Variants in PXDNL observed in about 807,000 individuals in gnomAD.
PXDNL encodes probable oxidoreductase PXDNL.
PXDNL carries 145 observed loss-of-function variants against 150.8 expected under a neutral mutation model. The observed-to-expected ratio is 0.96, with a 90% confidence interval of 0.84 to 1.10. PXDNL has a LOEUF of 1.10. PXDNL is among the 50% of genes least tolerant of loss of function. PXDNL has a pLI of 0.00. For missense variants in PXDNL, 2,087 were observed against 1,873.9 expected (o/e 1.11, Z -2.10); for synonymous variants, 757 against 725.7 (o/e 1.04, Z -0.69).
At chr8:51,428,747 T>G (rs914587179) in intron 12 of PXDNL, among the ~76,000 whole-genome samples, 29 of 152,290 alleles carry the variant, frequency 1.9e-4, no homozygotes, top group African/African-American at 7.0e-4. Flanking sequence ...TGTAAAACTA[T>G]TATTCAAAAA....
intron 2 of PXDNL, among the ~76,000 whole-genome samples, chr8:51,635,327 A>G (rs1814584690): frequency 6.6e-6 from 1 of 152,088 alleles, no homozygotes; most frequent in Admixed American, 6.6e-5. Flanking sequence ...GGAGTTAGAA[A>G]CAGAAAAGCA....
At position 51,339,713 on chromosome 8, in the gene PXDNL, C is replaced by T; in HGVS notation, c.4057G>A (p.Val1353Met). 6.2e-7 allele frequency: 1 copy of T among 1,613,484 alleles called. No homozygotes were observed. The highest frequency in any genetic ancestry group is 2.2e-5 in the East Asian group (1 of 44,854). ...KIYVGEDARNVTVLAKTKFSQ... is the reference protein window; with the variant it reads ...KIYVGEDARNMTVLAKTKFSQ... ...AACTTTGTTTTTGCCAGAACTGTCA[C>T]ATTTCTAGCATCTTCACCCACATAT... Residue 1353 changes from valine (V) to methionine (M), a missense_variant, in exon 21 of 23, where the codon GTG (valine) becomes ATG (methionine). Physicochemically the swap from Val to Met is conservative, Grantham distance 21. Coordinates refer to ENST00000356297, the MANE Select transcript of PXDNL (RefSeq NM_144651.5).
At chr8:51,546,128 A>G (rs1230921288) in intron 4 of PXDNL, among the ~76,000 whole-genome samples, 1 of 152,312 alleles carries the variant, frequency 6.6e-6, no homozygotes, top group South Asian at 2.1e-4. Context: ...CAGACCCTTT[A>G]TAGCAGCTGC....
At chr8:51,570,273 G>A (rs1438243894) in intron 3 of PXDNL, among the ~76,000 whole-genome samples, 1 of 151,910 alleles carries the variant, frequency 6.6e-6, no homozygotes, top group African/African-American at 2.4e-5. Context: ...ACTAGGTAAA[G>A]CTAAGGATGA....
chr8:51,703,451 G>A (rs1816298192), intron 1 of PXDNL, among the ~76,000 whole-genome samples: 1 of 152,148 alleles, frequency 6.6e-6, no homozygotes, highest in African/African-American at 2.4e-5. Context: ...ATATAAACCA[G>A]TACAATCGTA....
At chr8:51,745,675 T>G (rs566142644) in intron 1 of PXDNL, among the ~76,000 whole-genome samples, 309 of 152,008 alleles carry the variant, frequency 2.0e-3, no homozygotes, top group Non-Finnish European at 3.8e-3. Context: ...CTCCTTCAGG[T>G]GCAGAGGCAC....
chr8:51,376,173 G>C (rs549235015), intron 17 of PXDNL, among the ~76,000 whole-genome samples: 127 of 152,152 alleles, frequency 8.3e-4, no homozygotes, highest in Non-Finnish European at 1.7e-3. Context: ...AAAAGACAAT[G>C]CCAAACTGCT....
At chr8:51,534,966 T>TG (rs1323738878) in intron 4 of PXDNL, among the ~76,000 whole-genome samples, 4 of 89,000 alleles carry the variant, frequency 4.5e-5, no homozygotes, top group Non-Finnish European at 8.0e-5. Flanking sequence ...GGGAGGGAGG[T>TG]GGGGGGGTCA....
intron 1 of PXDNL, among the ~76,000 whole-genome samples, chr8:51,788,103 G>A (rs2037477114): frequency 6.6e-6 from 1 of 152,208 alleles, no homozygotes; most frequent in Admixed American, 6.5e-5. Flanking sequence ...CTACAATATA[G>A]TGTAAACATA....
At position 51,408,156 on chromosome 8, in the gene PXDNL, G is replaced by T. The variant is rs144719769; in HGVS notation, c.3468C>A (p.Phe1156Leu). The change falls in exon 17 of 23, where the codon TTC becomes TTA. Residue 1156 changes from phenylalanine to leucine, a missense_variant. By Grantham distance (22) the Phe-to-Leu change is conservative. Transcript: ENST00000356297. ...CTGAAGTCAAATTACAGAAAACTCT[G>T]AAGTCAACATATGGTGGGATCCCGT... ...RDHGIPPYVDFRVFCNLTSVK... is the reference protein window; with the variant it reads ...RDHGIPPYVDLRVFCNLTSVK... 27 of 1,613,802 alleles carry T rather than the reference G, an allele frequency of 1.7e-5. No homozygotes were observed. Among genetic ancestry groups the T allele is most frequent in the Middle Eastern group, 1.6e-4 (1 of 6,084 alleles).
At chr8:51,465,806 A>G (rs1428586716) in intron 8 of PXDNL, among the ~76,000 whole-genome samples, 1 of 152,172 alleles carries the variant, frequency 6.6e-6, no homozygotes. Context: ...CAATAGCCAC[A>G]AAAAGAAAAA....
In PXDNL at chr8:51,518,228, A is replaced by G. The variant is rs1244209185; in HGVS notation, c.381-18458T>C. ...TCTGTAAACCCACAGACGGATTCCAATGCTGAATTTCCAACTGGCCTATAA... is the reference window on the plus strand; with the variant it reads ...TCTGTAAACCCACAGACGGATTCCAGTGCTGAATTTCCAACTGGCCTATAA... On this transcript the variant is annotated intron_variant, in intron 4 of 22. Coordinates refer to ENST00000356297, the MANE Select transcript of PXDNL (RefSeq NM_144651.5). Among the ~76,000 whole-genome samples, 6 of 152,170 alleles carry G rather than the reference A, an allele frequency of 3.9e-5. No homozygotes were observed. In the South Asian group the frequency reaches 6.2e-4, roughly 16 times the overall value.
chr8:51,492,495 C>A (rs1259441745), intron 5 of PXDNL, among the ~76,000 whole-genome samples: 1 of 152,114 alleles, frequency 6.6e-6, no homozygotes, highest in Non-Finnish European at 1.5e-5. Flanking sequence ...ATCACCTCAC[C>A]CAGAAAGCTC....
chr8:51,695,913 G>GT (rs1219881408), intron 1 of PXDNL, among the ~76,000 whole-genome samples: 2 of 152,160 alleles, frequency 1.3e-5, no homozygotes. Flanking sequence ...TGGACAACCA[G>GT]CTTTTGCAGT....
At chr8:51,331,445 C>A (rs1389510836) in intron 21 of PXDNL, among the ~76,000 whole-genome samples, 1 of 152,166 alleles carries the variant, frequency 6.6e-6, no homozygotes, top group Non-Finnish European at 1.5e-5. Context: ...CTTAGCTGAA[C>A]TTTGTAACAA....
chr8:51,517,040 A>G (rs1811555990), intron 4 of PXDNL, among the ~76,000 whole-genome samples: 1 of 152,218 alleles, frequency 6.6e-6, no homozygotes, highest in Non-Finnish European at 1.5e-5. Context: ...CAGGAAAAGT[A>G]TAAAACAAAT....
intron 2 of PXDNL, 111 bp downstream of exon 2, chr8:51,654,578 G>T (rs1815112739): frequency 3.9e-6 from 3 of 765,196 alleles, no homozygotes; most frequent in Non-Finnish European, 6.8e-6. Context: ...CATCTACAAG[G>T]TGTCATTCTT....
intron 4 of PXDNL, among the ~76,000 whole-genome samples, chr8:51,556,581 A>G (rs1215759981): frequency 2.0e-5 from 3 of 152,206 alleles, no homozygotes; most frequent in African/African-American, 7.2e-5. Context: ...ACAAAGGTTC[A>G]CGGAGGGTAA....
At chr8:51,666,125 T>G (rs764970640) in intron 1 of PXDNL, among the ~76,000 whole-genome samples, 17 of 152,248 alleles carry the variant, frequency 1.1e-4, no homozygotes, top group Non-Finnish European at 2.2e-4. Context: ...CATCCTGGCC[T>G]ACGTCACCTC....
Sources: gnomAD v4.1 joint callset for allele counts (sites outside exome capture counted in the v4.1 genomes callset) on GRCh38, gnomAD v4.1.1 for gene constraint, MANE v1.5 for transcripts, NCBI Gene and HGNC (gene_info 2026-07-23, HGNC 2026-07-21) for gene names.